TJP1: variants seen among roughly 807,000 people sequenced by gnomAD.
TJP1 encodes tight junction protein ZO-1.
TJP1 carries 43 observed loss-of-function variants against 194.2 expected under a neutral mutation model. The ratio of observed to expected loss-of-function variants is 0.22; its 90% confidence interval spans 0.17 to 0.29. The LOEUF (loss-of-function observed/expected upper bound fraction) is 0.29, where lower values mean the gene tolerates loss of function less well. Among genes scored for constraint, TJP1 ranks in the 10% least tolerant of loss-of-function variants. TJP1 has a pLI of 1.00. For synonymous variants in TJP1, 801 were observed against 779.0 expected (o/e 1.03, Z -0.47); for missense variants, 1,971 against 2,185.7 (o/e 0.90, Z 1.96).
At chr15:29,883,428 C>G (rs980966454) in intron 2 of TJP1, among the ~76,000 whole-genome samples, 3 of 152,194 alleles carry the variant, frequency 2.0e-5, no homozygotes, top group Non-Finnish European at 2.9e-5. Flanking sequence ...CTTATATTTG[C>G]TCCTCAGTTG....
At chr15:29,727,640 T>A (rs2043323237) in intron 16 of TJP1, among the ~76,000 whole-genome samples, 1 of 152,232 alleles carries the variant, frequency 6.6e-6, no homozygotes, top group Admixed American at 6.5e-5. Flanking sequence ...ACATTCCTTA[T>A]GAATGTAAAT....
intron 13 of TJP1, 35 bp downstream of exon 13, chr15:29,733,059 G>C (rs199855487): frequency 6.3e-7 from 1 of 1,587,758 alleles, no homozygotes; most frequent in Non-Finnish European, 8.6e-7. Context: ...TCATTTACTT[G>C]ATTCACTCTA....
chr15:29,902,913 A>G (rs1253840759), intron 2 of TJP1, among the ~76,000 whole-genome samples: 6 of 152,162 alleles, frequency 3.9e-5, no homozygotes, highest in Non-Finnish European at 2.9e-5. Context: ...GGGCGCCTGT[A>G]ATCCCAGCTA....
intron 2 of TJP1, among the ~76,000 whole-genome samples, chr15:29,830,601 T>C (rs1024444297): frequency 1.3e-5 from 2 of 151,604 alleles, no homozygotes; most frequent in African/African-American, 4.8e-5. Flanking sequence ...AGATTTTCTG[T>C]TTAAGAGAAA....
intron 4 of TJP1, among the ~76,000 whole-genome samples, chr15:29,771,681 T>C (rs2046690620): frequency 6.6e-6 from 1 of 151,962 alleles, no homozygotes; most frequent in South Asian, 2.1e-4. Flanking sequence ...GTCAAGCGCC[T>C]GTAGTCCCAG....
intron 2 of TJP1, among the ~76,000 whole-genome samples, chr15:29,789,773 T>C (rs1317974135): frequency 1.3e-5 from 2 of 152,178 alleles, no homozygotes; most frequent in Non-Finnish European, 1.5e-5. Flanking sequence ...CTCCAGGTTA[T>C]TGCCAAAAGA....
At chr15:29,887,156 C>G (rs1427180885) in intron 2 of TJP1, among the ~76,000 whole-genome samples, 2 of 151,750 alleles carry the variant, frequency 1.3e-5, no homozygotes, top group Non-Finnish European at 2.9e-5. Flanking sequence ...AGACCAAAAA[C>G]AAGAGCCCCT....
intron 2 of TJP1, among the ~76,000 whole-genome samples, chr15:29,949,301 AC>A (rs2055437110): frequency 8.8e-6 from 1 of 114,192 alleles, no homozygotes; most frequent in Non-Finnish European, 1.8e-5. Context: ...CACCTCCACC[AC>A]CACCACCTCC....
At position 29,761,024 on chromosome 15, in the gene TJP1, C is replaced by A. The variant is rs1285351531; in HGVS notation, c.1010+115G>T. The A allele has an allele frequency of 1.3e-5, 16 of 1,269,280 alleles. No individual in the cohort carries two copies. The Admixed American group carries it at 2.2e-4, about 18-fold the overall frequency. The allele number at this position is 1,269,280 out of a possible 1,614,324, so 78.6% of individuals were successfully genotyped here. On this transcript the variant is annotated intron_variant, in intron 8 of 27. Coordinates refer to ENST00000614355, the MANE Select transcript of TJP1 (RefSeq NM_001330239.4). ...AATGTCTAAGTTGAGAAAAACAGAT[C>A]TAATCTTGAATAATCAAAAGAAATA...
At chr15:29,699,415 A>C (rs2041412749), downstream of TJP1, 1 of 152,236 alleles carries the variant, frequency 6.6e-6, no homozygotes, top group Non-Finnish European at 1.5e-5. Flanking sequence ...CAACTATAGA[A>C]ACAGAAGAGA....
intron 2 of TJP1, among the ~76,000 whole-genome samples, chr15:29,870,738 G>A (rs1206518161): frequency 6.6e-6 from 1 of 152,160 alleles, no homozygotes; most frequent in Non-Finnish European, 1.5e-5. Flanking sequence ...GAAGACTAAC[G>A]ATTCTGCCTC....
intron 2 of TJP1, among the ~76,000 whole-genome samples, chr15:29,792,756 C>T (rs1284562720): frequency 6.6e-6 from 1 of 152,156 alleles, no homozygotes; most frequent in East Asian, 1.9e-4. Context: ...GAGTATCTTT[C>T]CACTTTTTGG....
chr15:29,907,092 A>T (rs1415664863), intron 2 of TJP1, among the ~76,000 whole-genome samples: 1 of 152,246 alleles, frequency 6.6e-6, no homozygotes, highest in Admixed American at 6.5e-5. Context: ...GTAGGTTTGA[A>T]ACTTTTTCAA....
In TJP1 at chr15:29,953,140, A is replaced by ATTTTTTTTTTTT. The variant is rs71416442; in HGVS notation, c.306+3080_306+3091dup. Among the ~76,000 whole-genome samples the ATTTTTTTTTTTT allele has an allele frequency of 3.1e-3, 341 of 110,974 alleles. 42 individuals are homozygous for ATTTTTTTTTTTT. Among genetic ancestry groups the ATTTTTTTTTTTT allele is most frequent in the Non-Finnish European group, 4.0e-3 (221 of 55,918 alleles). 72.8% of individuals were successfully genotyped at this position (110,974 alleles called of 152,430 possible). ...TTCCTTCTTTCATAAAAGAAGACAG[A>ATTTTTTTTTTTT]TTTTTTTTTTTTTTTTTTTGCAACG... On this transcript the variant is annotated intron_variant, in intron 2 of 28. Coordinates refer to the TJP1 transcript ENST00000356107.
At position 29,718,689 on chromosome 15, in the gene TJP1, T is replaced by C. The variant is rs1278142104; in HGVS notation, c.3453A>G (p.Arg1151=). 6.2e-7 allele frequency: 1 copy of C among 1,614,142 alleles called. No homozygotes were observed. The highest frequency in any genetic ancestry group is 8.5e-7 in the Non-Finnish European group (1 of 1,180,036). The part of the protein sequence containing the change: ...DSRPRYEQAP[R]ASALRHEEQP... ...GCTCTTCGTGCCGCAGGGCGGATGCTCTAGGTGCCTGTTCGTAACGTGGTC... is the reference window on the plus strand; with the variant it reads ...GCTCTTCGTGCCGCAGGGCGGATGCCCTAGGTGCCTGTTCGTAACGTGGTC... The change falls in exon 21 of 28, where the codon AGA becomes AGG. Residue 1151 remains arginine, a synonymous_variant. Transcript: ENST00000614355.
chr15:29,717,851 T>C (rs571926662), intron 22 of TJP1, among the ~76,000 whole-genome samples, 170 bp downstream of exon 22: 3 of 152,132 alleles, frequency 2.0e-5, no homozygotes, highest in Admixed American at 2.0e-4. Context: ...AAAGTTCTAC[T>C]TTTTTTCCCC....
At chr15:29,882,669 G>T (rs1394966195) in intron 2 of TJP1, among the ~76,000 whole-genome samples, 1 of 152,160 alleles carries the variant, frequency 6.6e-6, no homozygotes, top group Non-Finnish European at 1.5e-5. Context: ...TCCATGTGTC[G>T]GACCGAAAGG....
intron 2 of TJP1, among the ~76,000 whole-genome samples, chr15:29,893,593 G>C (rs931868990): frequency 1.3e-5 from 2 of 152,092 alleles, no homozygotes; most frequent in Non-Finnish European, 2.9e-5. Context: ...CAACAACCTC[G>C]AGTCAAGACC....
At chr15:29,810,622 T>C (rs1238628300) in intron 1 of TJP1, among the ~76,000 whole-genome samples, 1 of 152,118 alleles carries the variant, frequency 6.6e-6, no homozygotes, top group Non-Finnish European at 1.5e-5. Flanking sequence ...CTAGAAGGGG[T>C]AACAGATACT....
Sources: gnomAD v4.1 joint callset for allele counts (sites outside exome capture counted in the v4.1 genomes callset) on GRCh38, gnomAD v4.1.1 for gene constraint, MANE v1.5 for transcripts, NCBI Gene and HGNC (gene_info 2026-07-23, HGNC 2026-07-21) for gene names.